KALRN: variants seen among roughly 807,000 people sequenced by gnomAD.
KALRN encodes the protein kalirin RhoGEF kinase.
KALRN carries 70 observed loss-of-function variants against 353.7 expected under a neutral mutation model. The ratio of observed to expected loss-of-function variants is 0.20; its 90% confidence interval spans 0.16 to 0.24. The LOEUF (loss-of-function observed/expected upper bound fraction) is 0.24, where lower values mean the gene tolerates loss of function less well. KALRN is among the 10% of genes least tolerant of loss of function. The probability of loss-of-function intolerance (pLI) is 1.00; values close to 1 mark genes in which losing one functional copy is unlikely to be tolerated. For synonymous variants in KALRN, 1,391 were observed against 1,434.8 expected (o/e 0.97, Z 0.69); for missense variants, 2,791 against 3,756.7 (o/e 0.74, Z 6.72).
At chr3:124,328,486 T>G (rs1176933457) in intron 7 of KALRN, among the ~76,000 whole-genome samples, 2 of 152,208 alleles carry the variant, frequency 1.3e-5, no homozygotes, top group Non-Finnish European at 2.9e-5. Context: ...CCCCCCATGA[T>G]TGACACAAGA....
chr3:124,250,251 G>T (rs1289912606), intron 3 of KALRN, among the ~76,000 whole-genome samples: 2 of 152,232 alleles, frequency 1.3e-5, no homozygotes, highest in Non-Finnish European at 2.9e-5. Context: ...GGAAACATGT[G>T]GTTTATTAAT....
chr3:124,111,001 G>A (rs1174252106), intron 1 of KALRN, among the ~76,000 whole-genome samples: 2 of 152,132 alleles, frequency 1.3e-5, no homozygotes, highest in African/African-American at 2.4e-5. Context: ...CTTTTTTTGT[G>A]TGTTTTGGGC....
At chr3:124,598,134 A>G (rs1345517724) in intron 34 of KALRN, among the ~76,000 whole-genome samples, 1 of 152,206 alleles carries the variant, frequency 6.6e-6, no homozygotes, top group East Asian at 1.9e-4. Context: ...CACAGTGGCC[A>G]CTTGTTTCTG....
intron 33 of KALRN, among the ~76,000 whole-genome samples, chr3:124,506,146 G>A (rs485887): frequency 0.81 from 123,284 of 152,216 alleles, 51,983 homozygotes; most frequent in East Asian, 0.93. Flanking sequence ...TTCCAGGAGT[G>A]GTCAGTAGTA....
At chr3:124,342,115 T>C (rs966525744) in intron 9 of KALRN, among the ~76,000 whole-genome samples, 1 of 151,984 alleles carries the variant, frequency 6.6e-6, no homozygotes, top group Non-Finnish European at 1.5e-5. Flanking sequence ...TTTTGAGAAT[T>C]CGTGGGTTAA....
chr3:124,504,919 G>T (rs889189223), intron 33 of KALRN: 10 of 508,554 alleles, frequency 2.0e-5, no homozygotes, highest in Non-Finnish European at 2.0e-5. Flanking sequence ...AAGTGGATTA[G>T]CTGGAGACAG....
chr3:124,446,069 TGG>T, intron 19 of KALRN, 90 bp from the exon 20 acceptor site: 2 of 723,164 alleles, frequency 2.8e-6, no homozygotes, highest in South Asian at 3.5e-5. Context: ...ATCACAGTCA[TGG>T]TCACCTGGCA....
intron 9 of KALRN, among the ~76,000 whole-genome samples, chr3:124,337,458 T>C (rs1427651420): frequency 1.3e-5 from 2 of 152,216 alleles, no homozygotes; most frequent in African/African-American, 4.8e-5. Flanking sequence ...TTGATTTGCG[T>C]ATGTTGAACC....
At chr3:124,142,738 C>G (rs2066788367) in intron 1 of KALRN, among the ~76,000 whole-genome samples, 1 of 152,066 alleles carries the variant, frequency 6.6e-6, no homozygotes, top group Non-Finnish European at 1.5e-5. Flanking sequence ...TCCAGCCTCC[C>G]CTCTTTCCAT....
chr3:124,586,148 T>A (rs568488336), intron 34 of KALRN, among the ~76,000 whole-genome samples: 3 of 152,138 alleles, frequency 2.0e-5, no homozygotes, highest in Non-Finnish European at 4.4e-5. Context: ...AGAATTCAGA[T>A]GAAGAAGGAA....
intron 1 of KALRN, among the ~76,000 whole-genome samples, chr3:124,206,857 CTTA>C (rs144696750): frequency 0.023 from 3,455 of 152,226 alleles, 128 homozygotes; most frequent in African/African-American, 0.079. Flanking sequence ...CATTTAGTCA[CTTA>C]TTATTGTCTA....
intron 5 of KALRN, among the ~76,000 whole-genome samples, chr3:124,295,209 A>T (rs1326322296): frequency 6.6e-6 from 1 of 152,216 alleles, no homozygotes; most frequent in African/African-American, 2.4e-5. Context: ...GGTTCCTGAC[A>T]TCACATGAGA....
chr3:124,257,207 A>G (rs555665213), intron 3 of KALRN, among the ~76,000 whole-genome samples: 682 of 152,328 alleles, frequency 4.5e-3, no homozygotes, highest in Non-Finnish European at 6.9e-3. Context: ...TTAAATGCAT[A>G]TTGTAATATC....
At chr3:124,105,473 G>T (rs886434030) in intron 1 of KALRN, among the ~76,000 whole-genome samples, 1 of 152,142 alleles carries the variant, frequency 6.6e-6, no homozygotes, top group Non-Finnish European at 1.5e-5. Flanking sequence ...TGAGAGTAGT[G>T]TAGACTGTTT....
At chr3:124,608,013 T>C (rs954507011) in intron 34 of KALRN, among the ~76,000 whole-genome samples, 1 of 147,994 alleles carries the variant, frequency 6.8e-6, no homozygotes, top group African/African-American at 2.5e-5. Context: ...TTTTTTAATT[T>C]TTTTTTTTTT....
At position 124,650,889 on chromosome 3, in the gene KALRN, C is replaced by T; in HGVS notation, c.5746C>T (p.Pro1916Ser). 1 of 1,614,224 alleles carries T rather than the reference C, an allele frequency of 6.2e-7. No individual in the cohort carries two copies. The highest frequency in any genetic ancestry group is 8.5e-7 in the Non-Finnish European group (1 of 1,180,028). Residue 1916 changes from proline (P) to serine (S), a missense_variant, in exon 38 of 60, where the codon CCT becomes TCT. By Grantham distance (74) the Pro-to-Ser change is moderately conservative. Coordinates refer to ENST00000682506, the MANE Select transcript of KALRN (RefSeq NM_001388419.1). ...LNEGMAPPTP[P>S]KNPEEEQKAK... ...TGAGGGGATGGCCCCACCCACACCT[C>T]CTAAAAACCCAGAAGAAGAACAGAA... is the stretch of plus-strand genomic sequence containing the variant.
Position 124,086,792 on chromosome 3 carries a change from G to A in KALRN, c.73+52979G>A, listed in dbSNP as rs201841026. Among the ~76,000 whole-genome samples, 4 of 152,154 alleles carry A rather than the reference G, an allele frequency of 2.6e-5. No individual in the cohort carries two copies. The East Asian group carries it at 7.7e-4, about 29-fold the overall frequency. ...GTCTACCAAGCCACTTTTCCCATAGGTAACCATCAGTATTAGTTTCTCGGG... is the reference window on the plus strand; with the variant it reads ...GTCTACCAAGCCACTTTTCCCATAGATAACCATCAGTATTAGTTTCTCGGG... On this transcript the variant is annotated intron_variant, in intron 1 of 59. Coordinates refer to ENST00000682506, the MANE Select transcript of KALRN (RefSeq NM_001388419.1).
intron 34 of KALRN, among the ~76,000 whole-genome samples, chr3:124,621,789 T>A (rs2079301351): frequency 1.3e-5 from 2 of 152,244 alleles, no homozygotes; most frequent in Non-Finnish European, 2.9e-5. Context: ...CAGCTGAATA[T>A]GCAACCAGGA....
chr3:124,667,792 G>A (rs564220926), intron 47 of KALRN, among the ~76,000 whole-genome samples: 32 of 152,252 alleles, frequency 2.1e-4, no homozygotes, highest in African/African-American at 7.5e-4. Flanking sequence ...CCTCATGGGT[G>A]GTGTGAACTG....
Sources: gnomAD v4.1 joint callset for allele counts (sites outside exome capture counted in the v4.1 genomes callset) on GRCh38, gnomAD v4.1.1 for gene constraint, MANE v1.5 for transcripts, NCBI Gene and HGNC (gene_info 2026-07-23, HGNC 2026-07-21) for gene names.